RIMS2: variants seen among roughly 807,000 people sequenced by gnomAD.
RIMS2 encodes the protein regulating synaptic membrane exocytosis protein 2.
A neutral mutation model predicts 174.4 loss-of-function variants in RIMS2; 59 were observed. The observed-to-expected ratio is 0.34, with a 90% confidence interval of 0.27 to 0.42. The LOEUF (loss-of-function observed/expected upper bound fraction) is 0.42. Ranked by LOEUF, RIMS2 falls within the 10% of genes least tolerant of loss-of-function variation. The pLI is 1.00. For synonymous variants in RIMS2, 606 were observed against 572.5 expected (o/e 1.06, Z -0.84); for missense variants, 1,620 against 1,666.3 (o/e 0.97, Z 0.48).
intron 19 of RIMS2, among the ~76,000 whole-genome samples, chr8:104,018,708 T>C (rs2095996241): frequency 6.6e-6 from 1 of 152,166 alleles, no homozygotes; most frequent in Admixed American, 6.5e-5. Context: ...GGATTTTGAA[T>C]CTAGTAGAAG....
At chr8:104,228,973 A>G (rs570953265) in intron 19 of RIMS2, among the ~76,000 whole-genome samples, 3 of 152,322 alleles carry the variant, frequency 2.0e-5, no homozygotes, top group African/African-American at 4.8e-5. Context: ...CCTTTTTCAT[A>G]TAAGATTCAG....
intron 2 of RIMS2, among the ~76,000 whole-genome samples, chr8:103,750,391 T>A (rs562459883): frequency 6.6e-6 from 1 of 152,274 alleles, no homozygotes; most frequent in Non-Finnish European, 1.5e-5. Context: ...TATAGAAGAT[T>A]TTGCCAGTTA....
At chr8:103,569,407 AT>A (rs1263075365) in intron 1 of RIMS2, among the ~76,000 whole-genome samples, 1 of 152,214 alleles carries the variant, frequency 6.6e-6, no homozygotes, top group Non-Finnish European at 1.5e-5. Flanking sequence ...GCTAACTTGG[AT>A]TTCAATACTA....
At chr8:104,041,178 G>C (rs780928267) in intron 19 of RIMS2, 148 bp from the exon 22 acceptor site, 111 of 409,116 alleles carry the variant, frequency 2.7e-4, no homozygotes, top group Middle Eastern at 6.2e-4. Flanking sequence ...GAATGCATTT[G>C]ATTATATCTT....
At chr8:104,248,164 T>C (rs1563990042) in intron 20 of RIMS2, among the ~76,000 whole-genome samples, 1 of 151,706 alleles carries the variant, frequency 6.6e-6, no homozygotes, top group Admixed American at 6.6e-5. Context: ...AGGAAAGAAA[T>C]TGAAGACAGC....
At chr8:104,061,616 G>GTA (rs1056797933) in intron 19 of RIMS2, among the ~76,000 whole-genome samples, 1 of 148,504 alleles carries the variant, frequency 6.7e-6, no homozygotes, top group Non-Finnish European at 1.5e-5. Context: ...TAATTTATAT[G>GTA]TATATATATT....
chr8:104,232,048 T>G (rs909561050), intron 19 of RIMS2, among the ~76,000 whole-genome samples: 1 of 151,628 alleles, frequency 6.6e-6, no homozygotes, highest in Non-Finnish European at 1.5e-5. Flanking sequence ...CCTTGCATTA[T>G]TATTTGTGTA....
At chr8:104,077,296 A>G (rs760940918) in intron 19 of RIMS2, among the ~76,000 whole-genome samples, 6 of 152,114 alleles carry the variant, frequency 3.9e-5, no homozygotes, top group Non-Finnish European at 2.9e-5. Flanking sequence ...ACTGTTTCCA[A>G]CAGATAACTT....
At chr8:103,953,152 A>G (rs1339346683) in intron 14 of RIMS2, among the ~76,000 whole-genome samples, 3 of 152,226 alleles carry the variant, frequency 2.0e-5, no homozygotes, top group African/African-American at 7.2e-5. Flanking sequence ...GTGACGGGAG[A>G]ACAGAACCAA....
intron 3 of RIMS2, among the ~76,000 whole-genome samples, chr8:103,777,038 T>C (rs2154431083): frequency 6.6e-6 from 1 of 152,198 alleles, no homozygotes; most frequent in African/African-American, 2.4e-5. Context: ...ATTTAGATTT[T>C]CTCTACAAAA....
intron 1 of RIMS2, among the ~76,000 whole-genome samples, chr8:103,588,813 A>G (rs1021302900): frequency 8.6e-5 from 13 of 151,950 alleles, no homozygotes; most frequent in Admixed American, 5.3e-4. Flanking sequence ...CTACCACAAG[A>G]AAACATTGGG....
chr8:103,792,710 GAA>G (rs2098511651), intron 3 of RIMS2, among the ~76,000 whole-genome samples: 1 of 148,264 alleles, frequency 6.7e-6, no homozygotes, highest in South Asian at 2.1e-4. Flanking sequence ...AGAAAAGAGA[GAA>G]GAATCAAATA....
At chr8:103,642,402 A>G (rs1207649779) in intron 1 of RIMS2, among the ~76,000 whole-genome samples, 1 of 152,104 alleles carries the variant, frequency 6.6e-6, no homozygotes, top group Non-Finnish European at 1.5e-5. Flanking sequence ...TCCATAAAAT[A>G]TCACAGAATA....
intron 3 of RIMS2, among the ~76,000 whole-genome samples, chr8:103,843,255 C>T (rs2098950684): frequency 6.6e-6 from 1 of 152,118 alleles, no homozygotes; most frequent in Non-Finnish European, 1.5e-5. Context: ...GTTCGTAACC[C>T]CAACAATTTC....
intron 8 of RIMS2, 103 bp downstream of exon 11, chr8:103,916,640 A>G: frequency 1.1e-6 from 1 of 926,512 alleles, no homozygotes. Flanking sequence ...GAAATGAATT[A>G]TTTTGTAGAC....
intron 1 of RIMS2, among the ~76,000 whole-genome samples, chr8:103,559,679 ATACT>A (rs1317830956): frequency 9.9e-5 from 15 of 152,206 alleles, no homozygotes; most frequent in African/African-American, 3.4e-4. Flanking sequence ...CATTCAATAG[ATACT>A]TAATGAAATT....
chr8:103,623,351 T>A (rs967878315), intron 1 of RIMS2, among the ~76,000 whole-genome samples: 2 of 152,248 alleles, frequency 1.3e-5, no homozygotes, highest in Middle Eastern at 3.4e-3. Context: ...CTATATAAAA[T>A]TTTTTATATG....
At chr8:103,684,361 TA>T (rs1015431227) in intron 1 of RIMS2, among the ~76,000 whole-genome samples, 8 of 152,142 alleles carry the variant, frequency 5.3e-5, no homozygotes, top group African/African-American at 1.7e-4. Context: ...ACCAGCAAGT[TA>T]AAAATAGTTT....
chr8:104,076,730 G>T (rs999196818), intron 19 of RIMS2, among the ~76,000 whole-genome samples: 17 of 151,768 alleles, frequency 1.1e-4, no homozygotes, highest in Non-Finnish European at 2.4e-4. Flanking sequence ...TATGACCTTG[G>T]GCAAGTTACT....
Sources: allele counts gnomAD v4.1 joint callset (sites outside exome capture counted in the v4.1 genomes callset), GRCh38; gene constraint gnomAD v4.1.1; transcripts MANE v1.5; gene names NCBI Gene and HGNC (gene_info 2026-07-23, HGNC 2026-07-21).